Variants in EYS observed in about 807,000 individuals in gnomAD.
The protein encoded by EYS is EGF-like photoreceptor maintenance factor.
Under a neutral mutation model 282.1 loss-of-function variants are expected in EYS, and 250 were observed. The ratio of observed to expected loss-of-function variants is 0.89; its 90% confidence interval spans 0.80 to 0.98. EYS has a LOEUF of 0.98. Among genes scored for constraint, EYS ranks in the 50% least tolerant of loss-of-function variants. The pLI, the probability that EYS is intolerant of heterozygous loss-of-function variation, is 0.00. For synonymous variants in EYS, 1,355 were observed against 1,282.9 expected (o/e 1.06, Z -1.20); for missense variants, 4,016 against 3,709.0 (o/e 1.08, Z -2.15).
chr6:65,596,782 T>C (rs1042615175), intron 2 of EYS, among the ~76,000 whole-genome samples: 2 of 152,118 alleles, frequency 1.3e-5, no homozygotes, highest in Non-Finnish European at 2.9e-5. Context: ...ATTACAATTA[T>C]AAAAATTGAT....
intron 15 of EYS, among the ~76,000 whole-genome samples, chr6:64,936,799 C>A (rs567125761): frequency 6.6e-6 from 1 of 151,344 alleles, no homozygotes; most frequent in Non-Finnish European, 1.5e-5. Context: ...AAAGTTATGG[C>A]TGCCATTTTC....
At chr6:64,262,868 C>T (rs984206268) in intron 30 of EYS, among the ~76,000 whole-genome samples, 3 of 152,022 alleles carry the variant, frequency 2.0e-5, no homozygotes, top group South Asian at 4.1e-4. Context: ...GTTAGGTTTA[C>T]ACAAGCCTTC....
chr6:64,251,621 C>T (rs2150348659), intron 30 of EYS, among the ~76,000 whole-genome samples: 1 of 152,214 alleles, frequency 6.6e-6, no homozygotes, highest in South Asian at 2.1e-4. Flanking sequence ...AATGCCATTT[C>T]TTTTTCATTT....
intron 2 of EYS, among the ~76,000 whole-genome samples, chr6:65,544,692 G>A (rs1768316767): frequency 6.6e-6 from 1 of 152,056 alleles, no homozygotes; most frequent in South Asian, 2.1e-4. Context: ...GTGTGAGAAT[G>A]GACTAACATG....
intron 40 of EYS, among the ~76,000 whole-genome samples, chr6:63,776,774 C>T (rs1318122753): frequency 6.6e-6 from 1 of 151,928 alleles, no homozygotes; most frequent in Non-Finnish European, 1.5e-5. Context: ...GGATGGATTC[C>T]CCACCTTCAC....
At chr6:64,663,577 G>A (rs1018617489) in intron 22 of EYS, among the ~76,000 whole-genome samples, 1 of 152,070 alleles carries the variant, frequency 6.6e-6, no homozygotes, top group African/African-American at 2.4e-5. Flanking sequence ...TATTACCAAT[G>A]TCCATATCAG....
intron 29 of EYS, chr6:64,379,517 A>T (rs1449721762): frequency 6.6e-6 from 1 of 152,144 alleles, no homozygotes; most frequent in East Asian, 1.9e-4. Context: ...CTGTAAATTT[A>T]TTTCGTAGTT....
At chr6:64,647,589 G>A (rs915002589) in intron 22 of EYS, among the ~76,000 whole-genome samples, 2 of 152,052 alleles carry the variant, frequency 1.3e-5, no homozygotes, top group African/African-American at 4.8e-5. Context: ...TTATCACTTT[G>A]TGGCAAGATT....
chr6:65,332,030 T>C (rs1769814583), intron 11 of EYS: 1 of 209,714 alleles, frequency 4.8e-6, no homozygotes, highest in Non-Finnish European at 9.5e-6. Flanking sequence ...GTAGAATTGC[T>C]GGGTGTAAAG....
chr6:64,797,676 T>C (rs925825066), intron 22 of EYS, among the ~76,000 whole-genome samples: 12 of 152,016 alleles, frequency 7.9e-5, no homozygotes, highest in Non-Finnish European at 7.4e-5. Flanking sequence ...ACTTTAAGTT[T>C]TAGGGTACAT....
intron 11 of EYS, chr6:65,331,826 T>A (rs1461682419): frequency 1.7e-6 from 1 of 599,262 alleles, no homozygotes; most frequent in African/African-American, 2.0e-5. Flanking sequence ...GAAGCACATA[T>A]CAGTAATTCA....
chr6:64,636,079 G>A (rs546331905), intron 22 of EYS, among the ~76,000 whole-genome samples: 2 of 152,144 alleles, frequency 1.3e-5, no homozygotes, highest in Admixed American at 6.5e-5. Flanking sequence ...CACAGAATTG[G>A]AAGAAATTAC....
Position 65,684,351 on chromosome 6 carries a change from A to C in EYS, c.-448+22784T>G, listed in dbSNP as rs185962409. ...TGAAGGGAATTAATAGGCTATAAAG[A>C]AAGCTGTGGCACTTCCTCTGTCAGA... On this transcript the variant is annotated intron_variant, in intron 1 of 42. Coordinates refer to ENST00000503581, the MANE Select transcript of EYS (RefSeq NM_001142800.2). Among the ~76,000 whole-genome samples, 14 of 152,142 alleles carry C rather than the reference A, an allele frequency of 9.2e-5. No individual in the cohort carries two copies. The South Asian group carries it at 1.0e-3, about 11-fold the overall frequency.
intron 22 of EYS, among the ~76,000 whole-genome samples, chr6:64,711,011 T>A (rs1378608316): frequency 6.6e-6 from 1 of 152,034 alleles, no homozygotes; most frequent in Admixed American, 6.6e-5. Context: ...GAAAGAAAAA[T>A]GCCGTACCGT....
chr6:64,046,905 C>G (rs1279422880), intron 33 of EYS, among the ~76,000 whole-genome samples: 1 of 152,120 alleles, frequency 6.6e-6, no homozygotes, highest in Admixed American at 6.6e-5. Flanking sequence ...GGACAGAGGT[C>G]AGGGTTAGCT....
chr6:64,719,763 G>T (rs1771513102), intron 22 of EYS, among the ~76,000 whole-genome samples: 1 of 152,064 alleles, frequency 6.6e-6, no homozygotes, highest in African/African-American at 2.4e-5. Flanking sequence ...AAATTAGCCA[G>T]GCATGGTGCG....
chr6:65,140,485 T>C (rs1023935836), intron 12 of EYS, among the ~76,000 whole-genome samples: 13 of 151,900 alleles, frequency 8.6e-5, no homozygotes, highest in African/African-American at 2.9e-4. Context: ...AAAGAAATAA[T>C]GGCAGAAAAT....
At chr6:64,926,357 C>G (rs1256730183) in intron 15 of EYS, among the ~76,000 whole-genome samples, 1 of 152,198 alleles carries the variant, frequency 6.6e-6, no homozygotes, top group African/African-American at 2.4e-5. Context: ...CCACATAGCT[C>G]CCTATGAGCT....
chr6:64,826,419 C>CT (rs530387438), intron 19 of EYS, among the ~76,000 whole-genome samples: 51 of 151,704 alleles, frequency 3.4e-4, no homozygotes, highest in Admixed American at 2.8e-3. Flanking sequence ...CAGGCAATTC[C>CT]TTTTTTAAGC....
Sources: gnomAD v4.1 joint callset for allele counts (sites outside exome capture counted in the v4.1 genomes callset) on GRCh38, gnomAD v4.1.1 for gene constraint, MANE v1.5 for transcripts, NCBI Gene and HGNC (gene_info 2026-07-23, HGNC 2026-07-21) for gene names.